The following LCK variants were observed in gnomAD, a reference collection of about 807,000 sequenced individuals.
The protein encoded by LCK is LCK proto-oncogene, Src family tyrosine kinase.
A neutral mutation model predicts 64.6 loss-of-function variants in LCK; 14 were observed. That is an observed-to-expected ratio of 0.22 (90% CI 0.14 to 0.34). LCK has a LOEUF of 0.34. Among genes scored for constraint, LCK ranks in the 10% least tolerant of loss-of-function variants. The probability of loss-of-function intolerance (pLI) is 1.00; values close to 1 mark genes in which losing one functional copy is unlikely to be tolerated. For missense variants in LCK, 434 were observed against 668.1 expected (o/e 0.65, Z 3.86); for synonymous variants, 277 against 263.6 (o/e 1.05, Z -0.49).
At chr1:32,253,399 C>T (rs1481022932) in intron 1 of LCK, among the ~76,000 whole-genome samples, 3 of 152,122 alleles carry the variant, frequency 2.0e-5, no homozygotes, top group Non-Finnish European at 4.4e-5. Context: ...GATTCTCCTG[C>T]CTCAGCCTCC....
chr1:32,262,055 T>C (rs1291493970), intron 1 of LCK, among the ~76,000 whole-genome samples: 1 of 149,262 alleles, frequency 6.7e-6, no homozygotes, highest in African/African-American at 2.4e-5. Flanking sequence ...AGATAATCTT[T>C]GTATTTTTAG....
At chr1:32,259,490 C>T (rs545792579) in intron 1 of LCK, among the ~76,000 whole-genome samples, 1 of 151,608 alleles carries the variant, frequency 6.6e-6, no homozygotes, top group Admixed American at 6.6e-5. Flanking sequence ...TGTGGTGGCA[C>T]ACGCCTGTAG....
At chr1:32,259,429 G>A (rs922474305) in intron 1 of LCK, among the ~76,000 whole-genome samples, 2 of 151,750 alleles carry the variant, frequency 1.3e-5, no homozygotes, top group African/African-American at 4.8e-5. Flanking sequence ...AGACTACCCT[G>A]GCCAACATGG....
intron 12 of LCK, among the ~76,000 whole-genome samples, chr1:32,280,641 G>A (rs1226366105): frequency 6.6e-6 from 1 of 151,542 alleles, no homozygotes; most frequent in Non-Finnish European, 1.5e-5. Flanking sequence ...ATTTTTAGTA[G>A]AGACAGGGTT....
chr1:32,265,945 G>C lies in LCK; in HGVS notation c.-5-8380G>C, dbSNP rs150743433. Among the ~76,000 whole-genome samples, 132 of 152,222 alleles carry C rather than the reference G, an allele frequency of 8.7e-4. 3 individuals carry two copies. The East Asian group carries it at 0.02, about 23-fold the overall frequency. On this transcript the variant is annotated intron_variant, in intron 1 of 12. Coordinates refer to ENST00000336890, the MANE Select transcript of LCK (RefSeq NM_005356.5). ...GGTTTCCCAAAGGGATTACAGACATGAGCTACAGCACCCGGCCTTGTTTTG... is the reference window on the plus strand; with the variant it reads ...GGTTTCCCAAAGGGATTACAGACATCAGCTACAGCACCCGGCCTTGTTTTG...
intron 1 of LCK, among the ~76,000 whole-genome samples, chr1:32,254,775 G>A (rs933001548): frequency 6.6e-6 from 1 of 151,612 alleles, no homozygotes; most frequent in Non-Finnish European, 1.5e-5. Context: ...GCCTCCCAAA[G>A]TGCTGGGATT....
Position 32,264,664 on chromosome 1 carries a change from G to A in LCK, c.-5-9661G>A, listed in dbSNP as rs948902061. Among the ~76,000 whole-genome samples, 25 of 152,032 alleles carry A rather than the reference G, an allele frequency of 1.6e-4. 1 individual carries two copies. Among genetic ancestry groups the A allele is most frequent in the Admixed American group, 1.5e-3 (23 of 15,252 alleles). ...GACAAAGTGTCTTTTACCATTCCCT[G>A]TTCTACACTCCCTCTTCCCCACATG... On this transcript the variant is annotated intron_variant, in intron 1 of 12. Transcript: ENST00000336890.
chr1:32,254,462 A>G (rs1356208305), intron 1 of LCK, among the ~76,000 whole-genome samples: 1 of 152,220 alleles, frequency 6.6e-6, no homozygotes. Flanking sequence ...CTGGGATTAC[A>G]GGCGTGTGCC....
intron 1 of LCK, among the ~76,000 whole-genome samples, chr1:32,272,306 C>T (rs989060860): frequency 4.0e-5 from 6 of 150,716 alleles, no homozygotes; most frequent in African/African-American, 1.5e-4. Context: ...GAGAGCATGC[C>T]GACTGGGTTC....
At chr1:32,270,077 C>T (rs1640034485) in intron 1 of LCK, among the ~76,000 whole-genome samples, 3 of 152,078 alleles carry the variant, frequency 2.0e-5, no homozygotes, top group South Asian at 4.2e-4. Flanking sequence ...CCTGCTTCCA[C>T]TTAGACCCAG....
At position 32,285,710 on chromosome 1, in the gene LCK, G is replaced by T. The variant is rs1370325812; in HGVS notation, c.1524G>T (p.Gln508His). Reference sequence around the variant, plus strand: ...CCACAGAGGGCCAGTACCAGCCTCAGCCTTGAGAGGCCTTGAGAGGCCCTG... The same window carrying T: ...CCACAGAGGGCCAGTACCAGCCTCATCCTTGAGAGGCCTTGAGAGGCCCTG... Reference protein sequence around the residue: ...FTATEGQYQPQP With the variant: ...FTATEGQYQPHP The change falls in exon 13 of 13, where the codon CAG becomes CAT. Residue 508 changes from glutamine to histidine, a missense_variant. Transcript: ENST00000336890. The T allele has an allele frequency of 1.3e-6, 2 of 1,578,844 alleles. No homozygotes were observed. The highest frequency in any genetic ancestry group is 1.9e-5 in the Admixed American group (1 of 53,682).
chr1:32,261,240 A>AT (rs533208515), intron 1 of LCK, among the ~76,000 whole-genome samples: 2,731 of 106,006 alleles, frequency 0.026, 20 homozygotes, highest in Non-Finnish European at 0.034. Flanking sequence ...TGCTTGGCTA[A>AT]TTTTTTTTTT....
At position 32,251,558 on chromosome 1, in the gene LCK, G is replaced by GGT. The variant is rs148878599; in HGVS notation, c.-6+190_-6+191dup. ...TGGGTCGCCTCTTTCCTGCGAAGCTGGTGTCGCTTGCCTCTGTCGTGCTGT... is the reference window on the plus strand; with the variant it reads ...TGGGTCGCCTCTTTCCTGCGAAGCTGGTGTGTCGCTTGCCTCTGTCGTGCTGT... On this transcript the variant is annotated intron_variant, in intron 1 of 12. Transcript: ENST00000336890. This position sits in a 1 kb window ranked among gnomAD's most constrained non-coding sequence, Gnocchi z 4.0. Among the ~76,000 whole-genome samples the GGT allele has an allele frequency of 2.6e-3, 394 of 152,300 alleles. 1 individual carries two copies. The highest frequency in any genetic ancestry group is 9.3e-3 in the African/African-American group (386 of 41,556).
At chr1:32,252,414 T>G (rs1425676638) in intron 1 of LCK, among the ~76,000 whole-genome samples, 2 of 152,194 alleles carry the variant, frequency 1.3e-5, no homozygotes, top group African/African-American at 2.4e-5. Flanking sequence ...TTAATTTTTT[T>G]GGGAAGTCCT....
In LCK at chr1:32,279,998, C is replaced by A. The variant is rs142706318; in HGVS notation, c.1195+4C>A. The A allele has an allele frequency of 6.2e-7, 1 of 1,613,934 alleles. No homozygotes were observed. The highest frequency in any genetic ancestry group is 1.3e-5 in the African/African-American group (1 of 74,902). On this transcript the variant is annotated splice_donor_region_variant and intron_variant, in intron 11 of 12. Coordinates refer to ENST00000336890, the MANE Select transcript of LCK (RefSeq NM_005356.5). ...AACGAGTACACAGCCAGGGAGGGTA[C>A]GTGTGAGATTTAAGGGTGGTCTGGG...
chr1:32,274,543 C>G, intron 2 of LCK, 109 bp downstream of exon 2: 1 of 985,448 alleles, frequency 1.0e-6, no homozygotes, highest in Non-Finnish European at 1.5e-6. Context: ...TGGCCCTCTC[C>G]CCTGAAATAC....
intron 1 of LCK, among the ~76,000 whole-genome samples, chr1:32,267,675 C>A (rs1055364113): frequency 5.9e-5 from 9 of 152,042 alleles, no homozygotes; most frequent in Admixed American, 5.9e-4. Context: ...GCGGGCAGAT[C>A]ACCTGAGGTC....
rs895306632 is a variant in LCK at position 32,275,846 on chromosome 1, G to T, written c.482-68G>T. On this transcript the variant is annotated intron_variant, in intron 6 of 12. Coordinates refer to ENST00000336890, the MANE Select transcript of LCK (RefSeq NM_005356.5). The surrounding 1 kb of genome is among the most constrained non-coding windows in gnomAD (Gnocchi z 6.9). ...TGGGGGTGCTGGGTGAGCCCAAGGT[G>T]GGGGCGCGGTGGCGGGCCAGACTCA... 6.3e-7 allele frequency: 1 copy of T among 1,577,576 alleles called. No individual in the cohort carries two copies. The highest frequency in any genetic ancestry group is 8.6e-7 in the Non-Finnish European group (1 of 1,158,218).
chr1:32,281,459 C>CA (rs1218686624), intron 12 of LCK, among the ~76,000 whole-genome samples: 4,657 of 60,578 alleles, frequency 0.077, 189 homozygotes, highest in African/African-American at 0.18. Context: ...GAATTTGTCT[C>CA]AAAAAAAAAA....
Sources: gnomAD v4.1 joint callset for allele counts (sites outside exome capture counted in the v4.1 genomes callset) on GRCh38, gnomAD v4.1.1 for gene constraint, Gnocchi (gnomAD v3.1) non-coding constraint, MANE v1.5 for transcripts, NCBI Gene and HGNC (gene_info 2026-07-23, HGNC 2026-07-21) for gene names.